ZNF438: variants seen among roughly 807,000 people sequenced by gnomAD.
The protein encoded by ZNF438 is zinc finger protein 438.
Under a neutral mutation model 38.0 loss-of-function variants are expected in ZNF438, and 25 were observed. The observed-to-expected ratio is 0.66, with a 90% CI of 0.48 to 0.92. ZNF438 has a LOEUF of 0.92. Ranked by LOEUF, ZNF438 falls within the 40% of genes least tolerant of loss-of-function variation. ZNF438 has a pLI of 0.00. For synonymous variants in ZNF438, 372 were observed against 364.1 expected (o/e 1.02, Z -0.25); for missense variants, 1,007 against 999.6 (o/e 1.01, Z -0.10).
chr10:30,956,331 C>G (rs920914480), intron 1 of ZNF438, among the ~76,000 whole-genome samples: 1 of 152,078 alleles, frequency 6.6e-6, no homozygotes, highest in Non-Finnish European at 1.5e-5. Context: ...AAACTGACAT[C>G]TTTTTAAAGT....
chr10:30,845,653 A>C, intron 5 of ZNF438, 80 bp from the exon 7 acceptor site: 1 of 1,508,070 alleles, frequency 6.6e-7, no homozygotes, highest in Non-Finnish European at 8.9e-7. Flanking sequence ...GTCAGCCTTC[A>C]GGGATCTAAA....
chr10:30,968,957 C>T (rs2934652), intron 1 of ZNF438, among the ~76,000 whole-genome samples: 121,678 of 152,056 alleles, frequency 0.8, 49,276 homozygotes, highest in African/African-American at 0.93. Flanking sequence ...GAGCTATTAA[C>T]TGTAAAAATA....
rs754239573 is a variant in ZNF438, at chr10:30,848,531, C to G, written c.1874G>C (p.Arg625Thr). ...AGGTCTCCATTACATTGGCACTCAC[C>G]TCTCCAATGATCCCTCCATGCCTCG... Residue 625 changes from arginine to threonine, a missense_variant and splice_region_variant, in exon 5 of 6, where the codon AGG (arginine) becomes ACG (threonine). Arg to Thr is a moderately conservative substitution (Grantham distance 71, BLOSUM62 -1). Coordinates refer to ENST00000413025, the Ensembl canonical transcript of ZNF438. The G allele has an allele frequency of 1.9e-6, 3 of 1,608,482 alleles. No individual in the cohort carries two copies. In the Admixed American group the frequency reaches 5.0e-5, roughly 27 times the overall value.
upstream of ZNF438, among the ~76,000 whole-genome samples, chr10:31,032,134 AGAG>A (rs1035438979): frequency 6.6e-6 from 1 of 152,194 alleles, no homozygotes; most frequent in Non-Finnish European, 1.5e-5. Context: ...AGTCGGGGTT[AGAG>A]GAGGAGGAGG....
chr10:30,953,788 T>C (rs573031859), intron 1 of ZNF438, among the ~76,000 whole-genome samples: 1 of 152,228 alleles, frequency 6.6e-6, no homozygotes, highest in African/African-American at 2.4e-5. Flanking sequence ...TTATGGTGGA[T>C]AGATGAATAA....
At chr10:31,007,278 T>TTG (rs1321448460) in intron 1 of ZNF438, among the ~76,000 whole-genome samples, 68 of 82,334 alleles carry the variant, frequency 8.3e-4, no homozygotes, top group African/African-American at 5.3e-3. Context: ...TTTTTGGTGT[T>TTG]TTTTTTTTTT....
chr10:30,947,068 AC>A (rs144353846), intron 1 of ZNF438, among the ~76,000 whole-genome samples: 1,762 of 152,330 alleles, frequency 0.012, 31 homozygotes, highest in African/African-American at 0.039. Flanking sequence ...GGACTGTTAT[AC>A]TAGAGAAGCT....
At chr10:30,915,942 T>G (rs968537254) in intron 2 of ZNF438, among the ~76,000 whole-genome samples, 1 of 151,984 alleles carries the variant, frequency 6.6e-6, no homozygotes, top group African/African-American at 2.4e-5. Context: ...GGAGATTCAT[T>G]CCAAAGGCCA....
At chr10:30,920,897 A>G (rs1326244078) in intron 2 of ZNF438, 1 of 152,228 alleles carries the variant, frequency 6.6e-6, no homozygotes, top group African/African-American at 2.4e-5. Context: ...GACATATTTT[A>G]CTACAGTTCA....
At chr10:30,920,022 C>A (rs758620889) in intron 2 of ZNF438, 2 of 152,230 alleles carry the variant, frequency 1.3e-5, no homozygotes, top group Admixed American at 1.3e-4. Flanking sequence ...TGAGGCTCCT[C>A]TGTTTTCAAC....
intron 4 of ZNF438, among the ~76,000 whole-genome samples, chr10:30,852,921 T>A (rs1473924936): frequency 6.6e-6 from 1 of 152,214 alleles, no homozygotes; most frequent in Non-Finnish European, 1.5e-5. Context: ...TTTATTTTCA[T>A]AGCCTTTAAA....
At chr10:30,989,872 T>C (rs1202624431) in intron 1 of ZNF438, among the ~76,000 whole-genome samples, 1 of 90,744 alleles carries the variant, frequency 1.1e-5, no homozygotes, top group African/African-American at 5.0e-5. Flanking sequence ...TATAAACTTA[T>C]GAAATATTTT....
At chr10:30,918,920 C>T (rs1191040991) in intron 2 of ZNF438, 1 of 152,158 alleles carries the variant, frequency 6.6e-6, no homozygotes, top group African/African-American at 2.4e-5. Context: ...TGACATCTGA[C>T]CCACGCAGTC....
chr10:30,936,185 A>C (rs2046236810), intron 2 of ZNF438, among the ~76,000 whole-genome samples: 1 of 152,192 alleles, frequency 6.6e-6, no homozygotes, highest in African/African-American at 2.4e-5. Context: ...TTAAACCTCT[A>C]AAGCCCGATT....
chr10:30,852,173 A>C (rs1051222792), intron 4 of ZNF438, among the ~76,000 whole-genome samples: 3 of 151,992 alleles, frequency 2.0e-5, no homozygotes, highest in Non-Finnish European at 4.4e-5. Flanking sequence ...TCTCAAAAAA[A>C]AAAGAAAAGA....
At chr10:31,031,582 C>T (rs1243347387) in intron 1 of ZNF438, among the ~76,000 whole-genome samples, 2 of 152,244 alleles carry the variant, frequency 1.3e-5, no homozygotes, top group South Asian at 2.1e-4. Flanking sequence ...CGCTCCCAGG[C>T]TCGGAGACGC....
chr10:30,882,510 G>A (rs1205068670), intron 3 of ZNF438, among the ~76,000 whole-genome samples: 4 of 152,196 alleles, frequency 2.6e-5, no homozygotes, highest in Admixed American at 6.5e-5. Flanking sequence ...ACATTACTCA[G>A]CATTTTAAAG....
chr10:31,024,418 A>C (rs2056806418), intron 1 of ZNF438, among the ~76,000 whole-genome samples: 1 of 152,186 alleles, frequency 6.6e-6, no homozygotes. Context: ...CGAGGTCAGG[A>C]GATCGAGACC....
intron 3 of ZNF438, among the ~76,000 whole-genome samples, chr10:30,883,154 G>T (rs2039490995): frequency 6.6e-6 from 1 of 152,106 alleles, no homozygotes; most frequent in Admixed American, 6.5e-5. Flanking sequence ...AAAAATCAAA[G>T]AATTGCAAAT....
Sources: gnomAD v4.1 joint callset for allele counts (sites outside exome capture counted in the v4.1 genomes callset) on GRCh38, gnomAD v4.1.1 for gene constraint, MANE v1.5 for transcripts, NCBI Gene and HGNC (gene_info 2026-07-23, HGNC 2026-07-21) for gene names.